Variants in PCSK6 observed in about 807,000 individuals in gnomAD.
The protein encoded by PCSK6 is paired basic amino acid cleaving enzyme 4.
Under a neutral mutation model 123.3 loss-of-function variants are expected in PCSK6, and 85 were observed. That is an observed-to-expected ratio of 0.69 (90% CI 0.58 to 0.83). PCSK6 has a LOEUF of 0.83. Among genes scored for constraint, PCSK6 ranks in the 40% least tolerant of loss-of-function variants. The pLI is 0.00. For missense variants in PCSK6, 1,191 were observed against 1,282.3 expected (o/e 0.93, Z 1.09); for synonymous variants, 508 against 516.0 (o/e 0.98, Z 0.21).
Position 101,398,409 on chromosome 15 carries a change from T to G in PCSK6, c.991A>C (p.Lys331Gln). 1 of 1,608,470 alleles carries G rather than the reference T, an allele frequency of 6.2e-7. No individual in the cohort carries two copies. The highest frequency in any genetic ancestry group is 2.2e-5 in the East Asian group (1 of 44,680). ...LAKQAFEYGI[K>Q]KGRQGLGSIF... The stretch of plus-strand genomic sequence containing the variant: ...GTAGCCCTGGTTACTCACACCTTTT[T>G]AATGCCATACTCGAAAGCCTGCTTA... Residue 331 changes from lysine to glutamine, a missense_variant, in exon 7 of 22, where the codon AAA (lysine) becomes CAA (glutamine). This residue lies in a region of PCSK6 where 357 missense variants were observed against 484.5 expected (regional missense o/e 0.74). Coordinates refer to ENST00000611716, the MANE Select transcript of PCSK6 (RefSeq NM_002570.5). The surrounding 1 kb of genome is among the most constrained non-coding windows in gnomAD (Gnocchi z 4.6).
Position 101,316,910 on chromosome 15 carries a change from G to GTTTTTTT in PCSK6, c.2569+1402_2569+1408dup, listed in dbSNP as rs57613156. On this transcript the variant is annotated intron_variant, in intron 19 of 21. Coordinates refer to ENST00000611716, the MANE Select transcript of PCSK6 (RefSeq NM_002570.5). ...ACTGGTTTAGCAGAGACTTAATTCT[G>GTTTTTTT]TTTTTTTTTTTTTTTTTTTGACAGA... Among the ~76,000 whole-genome samples, 196 of 114,928 alleles carry GTTTTTTT rather than the reference G, an allele frequency of 1.7e-3. 24 individuals carry two copies. Among genetic ancestry groups the GTTTTTTT allele is most frequent in the African/African-American group, 7.3e-3 (184 of 25,374 alleles). 75.4% of individuals were successfully genotyped at this position (114,928 alleles called of 152,430 possible). A position where few individuals can be genotyped will look rare whatever the true frequency, so the allele number is the denominator to read the frequency against.
intron 13 of PCSK6, among the ~76,000 whole-genome samples, chr15:101,360,173 C>A (rs1034306876): frequency 6.6e-6 from 1 of 152,176 alleles, no homozygotes; most frequent in African/African-American, 2.4e-5. Flanking sequence ...TGATGCTGCC[C>A]CGTCGGAGTC....
At chr15:101,376,977 G>A (rs1235284864) in intron 11 of PCSK6, among the ~76,000 whole-genome samples, 5 of 152,242 alleles carry the variant, frequency 3.3e-5, no homozygotes, top group East Asian at 3.8e-4. Context: ...AAGGTGAGGA[G>A]GGGATGGGAG....
chr15:101,350,417 T>TA (rs2040859401), intron 13 of PCSK6, among the ~76,000 whole-genome samples: 1 of 152,236 alleles, frequency 6.6e-6, no homozygotes, highest in Non-Finnish European at 1.5e-5. Flanking sequence ...GTTGAGATAT[T>TA]AGACATAAAG....
intron 1 of PCSK6, among the ~76,000 whole-genome samples, chr15:101,462,671 CTGA>C: frequency 6.6e-6 from 1 of 152,170 alleles, no homozygotes; most frequent in Non-Finnish European, 1.5e-5. Context: ...AACTAATCCA[CTGA>C]TGATGCTGGG....
intron 13 of PCSK6, among the ~76,000 whole-genome samples, chr15:101,361,300 T>G (rs2041215721): frequency 8.2e-6 from 1 of 121,402 alleles, no homozygotes; most frequent in Non-Finnish European, 1.7e-5. Flanking sequence ...TATATGTCTC[T>G]ATCAGTGCTA....
In PCSK6 at chr15:101,304,755, G is replaced by C. The variant is rs74041984; in HGVS notation, c.*503C>G. On this transcript the variant is annotated 3_prime_UTR_variant, in exon 22 of 22. Coordinates refer to ENST00000611716, the MANE Select transcript of PCSK6 (RefSeq NM_002570.5). ...CTCAAACCTATCTTATTTATAGTCT[G>C]ACCAAACCGTCCCCAGACTGCTCAG... is the stretch of plus-strand genomic sequence containing the variant. 4,703 of 154,570 alleles carry C rather than the reference G, an allele frequency of 0.03. 198 individuals carry two copies. The highest frequency in any genetic ancestry group is 0.087 in the African/African-American group (3,625 of 41,544). The allele number at this position is 154,570 out of a possible 1,614,324, so 9.6% of individuals were successfully genotyped here. A position where few individuals can be genotyped will look rare whatever the true frequency, so the allele number is the denominator to read the frequency against.
chr15:101,348,365 T>A (rs185573817), intron 13 of PCSK6, among the ~76,000 whole-genome samples: 5 of 152,366 alleles, frequency 3.3e-5, no homozygotes, highest in Admixed American at 6.5e-5. Context: ...GGGGCCAGTG[T>A]GACATTTGCG....
chr15:101,331,912 G>A lies in PCSK6; in HGVS notation c.1978C>T (p.Pro660Ser), dbSNP rs780761956. Residue 660 changes from proline (P) to serine (S), a missense_variant, in exon 14 of 22, where the codon CCC (proline) becomes TCC (serine). Physicochemically the swap from Pro to Ser is moderately conservative, Grantham distance 74. This residue lies in a region of PCSK6 where 630 missense variants were observed against 631.4 expected (regional missense o/e 1.00). Coordinates refer to ENST00000611716, the MANE Select transcript of PCSK6 (RefSeq NM_002570.5). ...TGGGAGGGTGACAGGGCAGCCTTGG[G>A]TGGCTCCAGCTCTGGGGCTGAGAGC... is the stretch of plus-strand genomic sequence containing the variant. ...LELSAPELEP[P>S]KAALSPSQVE... 5.0e-6 allele frequency: 8 copies of A among 1,613,792 alleles called. No individual in the cohort carries two copies. The Admixed American group carries it at 1.2e-4, about 24-fold the overall frequency.
At chr15:101,386,934 C>T (rs865946100) in intron 9 of PCSK6, among the ~76,000 whole-genome samples, 5 of 152,154 alleles carry the variant, frequency 3.3e-5, no homozygotes, top group Non-Finnish European at 7.3e-5. Context: ...CTGCTCTGCA[C>T]ACTCCCACCC....
chr15:101,482,399 C>T (rs560740269), intron 1 of PCSK6, among the ~76,000 whole-genome samples: 107 of 152,308 alleles, frequency 7.0e-4, no homozygotes, highest in African/African-American at 2.5e-3. Flanking sequence ...AGGAGGCCAG[C>T]CACCCAGGGC....
chr15:101,315,671 C>T lies in PCSK6; in HGVS notation c.2570-2166G>A, dbSNP rs146235561. ...AAGTAGTGCCGTCTCAGGCACAGGA[C>T]GCTCATGCTTGAGGGCTGACCGTCA... On this transcript the variant is annotated intron_variant, in intron 19 of 21. Coordinates refer to ENST00000611716, the MANE Select transcript of PCSK6 (RefSeq NM_002570.5). Among the ~76,000 whole-genome samples the T allele has an allele frequency of 4.7e-3, 717 of 152,370 alleles. 7 individuals are homozygous for T. Among genetic ancestry groups the T allele is most frequent in the Middle Eastern group, 0.024 (7 of 294 alleles).
At chr15:101,447,238 A>G (rs2056915958) in intron 1 of PCSK6, among the ~76,000 whole-genome samples, 1 of 152,004 alleles carries the variant, frequency 6.6e-6, no homozygotes, top group African/African-American at 2.4e-5. Flanking sequence ...GGGTGCCTTC[A>G]TGGGGAAGGG....
chr15:101,474,014 C>T (rs112385916), intron 1 of PCSK6, among the ~76,000 whole-genome samples: 9 of 152,304 alleles, frequency 5.9e-5, no homozygotes, highest in East Asian at 5.8e-4. Context: ...TCTTGGCTAA[C>T]GGCATCATAT....
intron 1 of PCSK6, among the ~76,000 whole-genome samples, chr15:101,456,555 G>A (rs111653112): frequency 6.6e-6 from 1 of 152,328 alleles, no homozygotes; most frequent in Non-Finnish European, 1.5e-5. Flanking sequence ...CTGGATCCAG[G>A]GGAGAGGCTG....
At chr15:101,323,289 G>A (rs533887121) in intron 17 of PCSK6, among the ~76,000 whole-genome samples, 19 of 152,342 alleles carry the variant, frequency 1.2e-4, no homozygotes, top group African/African-American at 3.6e-4. Flanking sequence ...TGAGGATGTC[G>A]GGGTGAAGAA....
chr15:101,404,621 C>T (rs1226878105), intron 6 of PCSK6, among the ~76,000 whole-genome samples: 1 of 152,214 alleles, frequency 6.6e-6, no homozygotes, highest in Admixed American at 6.5e-5. Context: ...CTCGCTTCCA[C>T]ATGACCTTGG....
intron 8 of PCSK6, 148 bp downstream of exon 8, chr15:101,393,064 T>A: frequency 1.4e-6 from 1 of 717,354 alleles, no homozygotes; most frequent in Non-Finnish European, 2.4e-6. Context: ...CAGGCTCAAA[T>A]TGTTCGCCGA....
intron 13 of PCSK6, among the ~76,000 whole-genome samples, chr15:101,355,217 T>C (rs1245423143): frequency 6.6e-6 from 1 of 152,230 alleles, no homozygotes; most frequent in Non-Finnish European, 1.5e-5. Flanking sequence ...TGACACAGGA[T>C]TTTTTAAAGT....
Sources: allele counts gnomAD v4.1 joint callset (sites outside exome capture counted in the v4.1 genomes callset), GRCh38; gene constraint gnomAD v4.1.1; regional missense constraint gnomAD v4.1.1; non-coding constraint Gnocchi (gnomAD v3.1); transcripts MANE v1.5; gene names NCBI Gene and HGNC (gene_info 2026-07-23, HGNC 2026-07-21).